IL1R2: variants seen among roughly 807,000 people sequenced by gnomAD.
The protein encoded by IL1R2 is interleukin 1 receptor type 2.
In IL1R2, 46 loss-of-function variants were observed where a neutral mutation model predicts 39.5. The observed-to-expected ratio is 1.16, with a 90% confidence interval of 0.92 to 1.49. IL1R2 has a LOEUF of 1.49. IL1R2 is among the 40% of genes most tolerant of loss of function. IL1R2 has a pLI of 0.00. For synonymous variants in IL1R2, 207 were observed against 189.6 expected (o/e 1.09, Z -0.75); for missense variants, 537 against 502.0 (o/e 1.07, Z -0.67).
At chr2:102,013,524 C>CAAAAAAAAAAAAAAAAAAAA (rs771727938) in intron 3 of IL1R2, among the ~76,000 whole-genome samples, 5 of 5,682 alleles carry the variant, frequency 8.8e-4, no homozygotes, top group Non-Finnish European at 1.2e-3. Flanking sequence ...TCTATCACTG[C>CAAAAAAAAAAAAAAAAAAAA]AAAAAAAAAA....
chr2:102,008,333 T>C (rs1676392404), intron 1 of IL1R2, among the ~76,000 whole-genome samples, 182 bp from the exon 2 acceptor site: 1 of 152,244 alleles, frequency 6.6e-6, no homozygotes, highest in Non-Finnish European at 1.5e-5. Flanking sequence ...ACTTTAGATA[T>C]GTTCAGTGAA....
At chr2:102,020,423 A>G (rs573950936) in intron 5 of IL1R2, among the ~76,000 whole-genome samples, 1 of 152,206 alleles carries the variant, frequency 6.6e-6, no homozygotes, top group Non-Finnish European at 1.5e-5. Flanking sequence ...TGTGCCGGAC[A>G]TGGAGACAGG....
intron 3 of IL1R2, among the ~76,000 whole-genome samples, chr2:102,012,666 C>A (rs966934698): frequency 6.6e-6 from 1 of 152,184 alleles, no homozygotes; most frequent in Non-Finnish European, 1.5e-5. Flanking sequence ...CAGGTTTAAT[C>A]CTGTCAATGA....
chr2:102,013,837 T>C (rs1047008975), intron 3 of IL1R2, among the ~76,000 whole-genome samples: 1 of 152,064 alleles, frequency 6.6e-6, no homozygotes, highest in Non-Finnish European at 1.5e-5. Flanking sequence ...ACAACTTTCA[T>C]GTAGAAGGGC....
At chr2:102,008,959 G>A (rs1676446494) in intron 2 of IL1R2, among the ~76,000 whole-genome samples, 1 of 151,638 alleles carries the variant, frequency 6.6e-6, no homozygotes, top group South Asian at 2.1e-4. Context: ...ACCCAGGGAG[G>A]TTGAGGCTGC....
chr2:102,025,858 T>A (rs182796327), intron 7 of IL1R2, among the ~76,000 whole-genome samples: 5 of 152,304 alleles, frequency 3.3e-5, no homozygotes, highest in Admixed American at 1.3e-4. Context: ...CCCCATTATC[T>A]AACCCTGTAG....
intron 1 of IL1R2, among the ~76,000 whole-genome samples, chr2:101,998,746 G>T (rs1226970328): frequency 6.6e-6 from 1 of 152,172 alleles, no homozygotes; most frequent in Non-Finnish European, 1.5e-5. Context: ...CTAGCAAGGT[G>T]GTCTCAGGGC....
At chr2:102,024,871 T>C (rs1677639154) in intron 7 of IL1R2, 3 of 595,248 alleles carry the variant, frequency 5.0e-6, no homozygotes, top group Non-Finnish European at 8.2e-6. Context: ...AAAAGTTGAG[T>C]TGCAGTTGAC....
In IL1R2 at chr2:102,009,716, T is replaced by C; in HGVS notation, c.222T>C (p.Ser74=). The C allele has an allele frequency of 6.2e-7, 1 of 1,614,200 alleles. No homozygotes were observed. The highest frequency in any genetic ancestry group is 8.5e-7 in the Non-Finnish European group (1 of 1,180,018). ...ACCTGACATGGCATAAAAATGACTC[T>C]GCTAGGACGGTCCCAGGAGAAGAAG... ...RINLTWHKND[S]ARTVPGEEET... is the part of the protein sequence containing the mutation. The change falls in exon 3 of 9, where the codon TCT becomes TCC. Residue 74 remains serine (S), a synonymous_variant. Transcript: ENST00000332549.
chr2:102,005,372 C>T (rs974503451), intron 1 of IL1R2, among the ~76,000 whole-genome samples: 4 of 152,184 alleles, frequency 2.6e-5, no homozygotes, highest in African/African-American at 7.2e-5. Context: ...AACACAATGC[C>T]TGACAGTACC....
In IL1R2 at chr2:102,015,935, C is replaced by T. The variant is rs745562227; in HGVS notation, c.397C>T (p.Leu133=). The T allele has an allele frequency of 6.8e-6, 11 of 1,613,920 alleles. No individual in the cohort carries two copies. In the African/African-American group the frequency reaches 1.3e-4, roughly 20 times the overall value. The change falls in exon 4 of 9, where the codon CTG becomes TTG. Residue 133 remains leucine, a synonymous_variant. Coordinates refer to ENST00000332549, the MANE Select transcript of IL1R2 (RefSeq NM_004633.4). ...LRVFENTDAF[L]PFISYPQILT... is the part of the protein sequence containing the mutation. ...AGTTTTTGAGAATACAGATGCTTTC[C>T]TGCCGTTCATCTCATACCCGCAAAT...
chr2:102,001,166 T>C (rs2150421249), intron 1 of IL1R2, among the ~76,000 whole-genome samples: 1 of 152,306 alleles, frequency 6.6e-6, no homozygotes, highest in South Asian at 2.1e-4. Context: ...GATACAGGAT[T>C]TGAATGAGCG....
chr2:102,000,314 C>A (rs1310306525), intron 1 of IL1R2, among the ~76,000 whole-genome samples: 2 of 152,204 alleles, frequency 1.3e-5, no homozygotes, highest in African/African-American at 4.8e-5. Context: ...GGAGACTGAG[C>A]CTCACACAGG....
chr2:101,994,611 G>C (rs1675500684), intron 1 of IL1R2, among the ~76,000 whole-genome samples: 1 of 152,198 alleles, frequency 6.6e-6, no homozygotes, highest in African/African-American at 2.4e-5. Context: ...AGTGCTAGGG[G>C]ACCACACTTT....
intron 1 of IL1R2, among the ~76,000 whole-genome samples, chr2:102,005,657 CA>C (rs1160753132): frequency 3.9e-5 from 6 of 152,192 alleles, no homozygotes; most frequent in Non-Finnish European, 7.3e-5. Context: ...GGAGACCTCC[CA>C]GGGGGATCAC....
chr2:102,002,552 T>G (rs186121614), intron 1 of IL1R2, among the ~76,000 whole-genome samples: 1 of 151,696 alleles, frequency 6.6e-6, no homozygotes, highest in East Asian at 2.0e-4. Context: ...TGTCTATGTC[T>G]ATGTGTATGT....
chr2:102,022,587 C>A (rs1373126289), intron 6 of IL1R2, among the ~76,000 whole-genome samples: 1 of 152,354 alleles, frequency 6.6e-6, no homozygotes, highest in Non-Finnish European at 1.5e-5. Context: ...CCAGGCAGAG[C>A]CAGCACCCTC....
In IL1R2 at chr2:102,026,269, G is replaced by T; in HGVS notation, c.1030+16G>T. ...GTCAAGGAAGGTATGTATGTATTTT[G>T]GGGAGCACTATAGGAGAATATAACA... On this transcript the variant is annotated intron_variant, in intron 8 of 8. Coordinates refer to ENST00000332549, the MANE Select transcript of IL1R2 (RefSeq NM_004633.4). 1 of 1,596,358 alleles carries T rather than the reference G, an allele frequency of 6.3e-7. No homozygotes were observed.
chr2:102,000,859 C>T (rs760473382), intron 1 of IL1R2, among the ~76,000 whole-genome samples: 1 of 152,182 alleles, frequency 6.6e-6, no homozygotes, highest in African/African-American at 2.4e-5. Context: ...CTCTACCAGA[C>T]TCATGAGTTT....
Sources: gnomAD v4.1 joint callset for allele counts (sites outside exome capture counted in the v4.1 genomes callset) on GRCh38, gnomAD v4.1.1 for gene constraint, MANE v1.5 for transcripts, NCBI Gene and HGNC (gene_info 2026-07-23, HGNC 2026-07-21) for gene names.